Variants in PDE4D observed in about 807,000 individuals in gnomAD.
PDE4D encodes phosphodiesterase 4D.
Under a neutral mutation model 87.4 loss-of-function variants are expected in PDE4D, and 24 were observed. The ratio of observed to expected loss-of-function variants is 0.27; its 90% CI spans 0.20 to 0.39. The LOEUF (loss-of-function observed/expected upper bound fraction) is 0.39, where lower values mean the gene tolerates loss of function less well. Among genes scored for constraint, PDE4D ranks in the 10% least tolerant of loss-of-function variants. The pLI, the probability that PDE4D is intolerant of heterozygous loss-of-function variation, is 1.00. For missense variants in PDE4D, 714 were observed against 1,041.0 expected, an observed-to-expected ratio of 0.69 and a Z score of 4.32; for synonymous variants, 384 against 383.2, an observed-to-expected ratio of 1.00 and a Z score of -0.02.
intron 5 of PDE4D, among the ~76,000 whole-genome samples, chr5:59,116,221 G>A (rs1181237715): frequency 6.6e-6 from 1 of 152,088 alleles, no homozygotes; most frequent in African/African-American, 2.4e-5. Context: ...AATTAAAATT[G>A]TATAAAGCAT....
At chr5:59,193,868 T>C (rs1744855332) in intron 2 of PDE4D, 2 of 731,284 alleles carry the variant, frequency 2.7e-6, no homozygotes, top group South Asian at 1.2e-4. Context: ...TTACTGTAGA[T>C]ATTAGTAAGG....
At position 59,754,797 on chromosome 5, in the gene PDE4D, A is replaced by ATTTTTTTTTTTTTTTTTTTTTTT. The variant is rs754869518; in HGVS notation, c.455+138348_455+138370dup. Among the ~76,000 whole-genome samples, 9 of 96,870 alleles carry ATTTTTTTTTTTTTTTTTTTTTTT rather than the reference A, an allele frequency of 9.3e-5. 2 individuals are homozygous for ATTTTTTTTTTTTTTTTTTTTTTT. The highest frequency in any genetic ancestry group is 1.7e-4 in the African/African-American group (4 of 24,100). 63.6% of individuals were successfully genotyped at this position (96,870 alleles called of 152,430 possible). A position where few individuals can be genotyped will look rare whatever the true frequency, so the allele number is the denominator to read the frequency against. On this transcript the variant is annotated intron_variant, in intron 1 of 14. Coordinates refer to ENST00000340635, the MANE Select transcript of PDE4D (RefSeq NM_001104631.2). Reference sequence around the variant, plus strand: ...GCAGGTACAGAATTTTCCACAGAACATTTTTTTTTTTTTTTTTTTTTTTTT... The same window carrying ATTTTTTTTTTTTTTTTTTTTTTT: ...GCAGGTACAGAATTTTCCACAGAACATTTTTTTTTTTTTTTTTTTTTTTTTTTTTTTTTTTTTTTTTTTTTTTT...
At chr5:59,691,498 A>C (rs1192018801) in intron 1 of PDE4D, among the ~76,000 whole-genome samples, 155 of 147,334 alleles carry the variant, frequency 1.1e-3, no homozygotes, top group African/African-American at 3.6e-3. Context: ...CATGTTCTCA[A>C]TCATAGGTGG....
chr5:59,334,269 T>A, intron 1 of PDE4D, among the ~76,000 whole-genome samples: 1 of 110,380 alleles, frequency 9.1e-6, no homozygotes, highest in South Asian at 3.1e-4. Flanking sequence ...TTTTTTTTTT[T>A]TTTTTTGGAG....
chr5:59,718,919 T>C (rs1367782367), intron 1 of PDE4D, among the ~76,000 whole-genome samples: 1 of 151,994 alleles, frequency 6.6e-6, no homozygotes, highest in East Asian at 1.9e-4. Context: ...GAAAAAGTTC[T>C]CAGATCCTTT....
At chr5:60,188,175 GAAGGTCC>G (rs1159547296) in intron 1 of PDE4D, 1 of 152,142 alleles carries the variant, frequency 6.6e-6, no homozygotes, top group African/African-American at 2.4e-5. Flanking sequence ...TCTACCAGTT[GAAGGTCC>G]AAGAATAAAC....
intron 2 of PDE4D, among the ~76,000 whole-genome samples, chr5:60,138,734 T>G (rs1258535195): frequency 6.6e-6 from 1 of 152,082 alleles, no homozygotes; most frequent in East Asian, 1.9e-4. Flanking sequence ...CTATGTGACT[T>G]CTGTGGCCAC....
At chr5:59,489,013 G>A (rs7734463) in intron 1 of PDE4D, among the ~76,000 whole-genome samples, 12,039 of 152,014 alleles carry the variant, frequency 0.079, 1,502 homozygotes, top group African/African-American at 0.27. Context: ...TTGGCCAGGC[G>A]TGACGGCTCA....
chr5:60,496,744 T>C (rs1236548595), intron 1 of PDE4D, among the ~76,000 whole-genome samples: 1 of 152,156 alleles, frequency 6.6e-6, no homozygotes, highest in East Asian at 1.9e-4. Flanking sequence ...CCTAAGGACA[T>C]AGAGTTGATA....
chr5:59,755,108 A>G (rs1266342263), intron 1 of PDE4D, among the ~76,000 whole-genome samples: 2 of 152,132 alleles, frequency 1.3e-5, no homozygotes, highest in Non-Finnish European at 2.9e-5. Context: ...TGTTGAATTA[A>G]ATAAGGAGAA....
At chr5:60,017,660 T>C (rs1205121740) in intron 2 of PDE4D, among the ~76,000 whole-genome samples, 2 of 152,234 alleles carry the variant, frequency 1.3e-5, no homozygotes, top group East Asian at 1.9e-4. Flanking sequence ...TGTTCCATGG[T>C]GTATATGTAC....
At chr5:59,891,867 A>G (rs768280452) in intron 1 of PDE4D, among the ~76,000 whole-genome samples, 1 of 152,172 alleles carries the variant, frequency 6.6e-6, no homozygotes, top group Admixed American at 6.5e-5. Context: ...CCTACTGTCA[A>G]TCAGAGTTGG....
At chr5:60,190,264 T>G (rs1313455233) in intron 1 of PDE4D, among the ~76,000 whole-genome samples, 1 of 152,228 alleles carries the variant, frequency 6.6e-6, no homozygotes, top group Non-Finnish European at 1.5e-5. Flanking sequence ...ATTATTGCCT[T>G]GGGCTCTTAA....
At chr5:60,165,390 A>G (rs756936857) in intron 2 of PDE4D, among the ~76,000 whole-genome samples, 5 of 152,172 alleles carry the variant, frequency 3.3e-5, no homozygotes, top group Non-Finnish European at 7.3e-5. Context: ...TTATGCTGAT[A>G]TCACGCTGCT....
At chr5:59,499,004 G>T (rs1158639694) in intron 1 of PDE4D, among the ~76,000 whole-genome samples, 1 of 151,828 alleles carries the variant, frequency 6.6e-6, no homozygotes, top group African/African-American at 2.4e-5. Flanking sequence ...TATATTCCAA[G>T]ATTGAACACA....
intron 1 of PDE4D, among the ~76,000 whole-genome samples, chr5:59,817,589 C>T (rs1561709380): frequency 6.6e-6 from 1 of 152,196 alleles, no homozygotes; most frequent in East Asian, 1.9e-4. Context: ...CTCTCAATGT[C>T]ACTATATCTG....
intron 1 of PDE4D, among the ~76,000 whole-genome samples, chr5:59,636,325 C>T (rs1832236547): frequency 6.6e-6 from 1 of 152,082 alleles, no homozygotes; most frequent in African/African-American, 2.4e-5. Context: ...TTTATAGATT[C>T]AATGCTATTC....
intron 2 of PDE4D, among the ~76,000 whole-genome samples, chr5:60,038,700 T>C (rs1768100222): frequency 6.6e-6 from 1 of 151,748 alleles, no homozygotes; most frequent in Non-Finnish European, 1.5e-5. Flanking sequence ...GACAAAGGGC[T>C]AATATCCAGA....
intron 2 of PDE4D, among the ~76,000 whole-genome samples, chr5:60,068,103 A>T (rs1303480849): frequency 6.6e-6 from 1 of 152,184 alleles, no homozygotes; most frequent in African/African-American, 2.4e-5. Flanking sequence ...GGATTGCTGG[A>T]TCATGTAATT....
Sources: allele counts gnomAD v4.1 joint callset (sites outside exome capture counted in the v4.1 genomes callset), GRCh38; gene constraint gnomAD v4.1.1; transcripts MANE v1.5; gene names NCBI Gene and HGNC (gene_info 2026-07-23, HGNC 2026-07-21).